The following YLPM1 variants were observed in gnomAD, a reference collection of about 807,000 sequenced individuals.
YLPM1 encodes the protein YLP motif-containing protein 1.
A neutral mutation model predicts 230.0 loss-of-function variants in YLPM1; 99 were observed. That is an observed-to-expected ratio of 0.43 (90% CI 0.37 to 0.51). The LOEUF (loss-of-function observed/expected upper bound fraction) is 0.51, where lower values mean the gene tolerates loss of function less well. YLPM1 is among the 20% of genes least tolerant of loss of function. The pLI is 0.00. For synonymous variants in YLPM1, 984 were observed against 942.5 expected (o/e 1.04, Z -0.81); for missense variants, 2,592 against 2,707.7 (o/e 0.96, Z 0.95).
intron 1 of YLPM1, among the ~76,000 whole-genome samples, chr14:74,778,075 C>T (rs1223428313): frequency 6.6e-6 from 1 of 151,932 alleles, no homozygotes; most frequent in Non-Finnish European, 1.5e-5. Flanking sequence ...ATTACAAGAC[C>T]CCTGTCAATA....
At chr14:74,824,862 G>C (rs905803877) in intron 18 of YLPM1, among the ~76,000 whole-genome samples, 1 of 152,052 alleles carries the variant, frequency 6.6e-6, no homozygotes, top group African/African-American at 2.4e-5. Flanking sequence ...AGGTAAACCA[G>C]TTTAAATGAT....
rs763829135 is a variant in YLPM1, at chr14:74,827,950, ATGATTAAAATTTTTGTGAGT to A, written c.6164-1261_6164-1242del. ...CATGTTAAAATTTTGCCAAAATGAG[ATGATTAAAATTTTTGTGAGT>A]TTTATAAACTGTTGCAGTTCGCCTT... On this transcript the variant is annotated intron_variant, in intron 18 of 20. Transcript: ENST00000325680. 1.1e-3 allele frequency: 1,035 copies of A among 985,196 alleles called. 2 individuals carry two copies. Among genetic ancestry groups the A allele is most frequent in the Non-Finnish European group, 1.2e-3 (969 of 829,814 alleles). The allele number at this position is 985,196 out of a possible 1,614,324, so 61.0% of individuals were successfully genotyped here. A position where few individuals can be genotyped will look rare whatever the true frequency, so the allele number is the denominator to read the frequency against.
Position 74,824,282 on chromosome 14 carries a change from G to A in YLPM1, c.6138G>A (p.Glu2046=). The A allele has an allele frequency of 1.2e-6, 2 of 1,612,322 alleles. No individual in the cohort carries two copies. Among genetic ancestry groups the A allele is most frequent in the Non-Finnish European group, 1.7e-6 (2 of 1,178,832 alleles). ...ELGYIPKSKW[E]MDTSEAKLDK... The stretch of plus-strand genomic sequence containing the variant: ...GTTACATTCCGAAAAGCAAATGGGA[G>A]ATGGACACATCTGAGGCAAAGCTAG... Residue 2046 remains glutamate, a synonymous_variant, in exon 18 of 21, where the codon GAG becomes GAA. Transcript: ENST00000325680.
intron 3 of YLPM1, among the ~76,000 whole-genome samples, chr14:74,780,969 T>C (rs1207697509): frequency 1.3e-5 from 2 of 152,244 alleles, no homozygotes; most frequent in Admixed American, 6.5e-5. Context: ...TAAAGTGACT[T>C]AGATACTTGT....
chr14:74,778,469 G>T lies in YLPM1; in HGVS notation c.896G>T (p.Arg299Leu), dbSNP rs758462188. 6.2e-7 allele frequency: 1 copy of T among 1,604,964 alleles called. No homozygotes were observed. Among genetic ancestry groups the T allele is most frequent in the South Asian group, 1.1e-5 (1 of 89,044 alleles). ...TAGGAACAGCAGCAGTATTGGTATCGACAGCACTTGCTTAGTTTGCAACAG... is the reference window on the plus strand; with the variant it reads ...TAGGAACAGCAGCAGTATTGGTATCTACAGCACTTGCTTAGTTTGCAACAG... ...TPQEQQQYWY[R>L]QHLLSLQQRT... The change falls in exon 2 of 21, where the codon CGA becomes CTA. Residue 299 changes from arginine to leucine, a missense_variant. Around this residue, in one of 4 missense-constraint regions of YLPM1, gnomAD observed 1,862 missense variants for 1,819.8 expected, o/e 1.02. Coordinates refer to ENST00000325680, the MANE Select transcript of YLPM1 (RefSeq NM_019589.3).
Position 74,799,705 on chromosome 14 carries a change from G to C in YLPM1, c.4400+8G>C. The C allele has an allele frequency of 6.3e-7, 1 of 1,596,866 alleles. No individual in the cohort carries two copies. Among genetic ancestry groups the C allele is most frequent in the Non-Finnish European group, 8.5e-7 (1 of 1,170,128 alleles). On this transcript the variant is annotated splice_region_variant and intron_variant, in intron 5 of 20. Coordinates refer to ENST00000325680, the MANE Select transcript of YLPM1 (RefSeq NM_019589.3). The stretch of plus-strand genomic sequence containing the variant: ...AGAACTGAAAATGCTTCGGTAAGTT[G>C]ACTCCTTCAGATCCTTTCTTTTAAT...
chr14:74,770,770 C>A (rs1270539422), intron 1 of YLPM1, among the ~76,000 whole-genome samples: 1 of 152,114 alleles, frequency 6.6e-6, no homozygotes, highest in Admixed American at 6.5e-5. Flanking sequence ...ATTCTAAGGG[C>A]AGTTGGAAGC....
intron 4 of YLPM1, among the ~76,000 whole-genome samples, chr14:74,783,351 T>G (rs1350541640): frequency 6.6e-6 from 1 of 152,198 alleles, no homozygotes; most frequent in Non-Finnish European, 1.5e-5. Context: ...CCTCCCAAAG[T>G]GCTGGGATTA....
intron 4 of YLPM1, among the ~76,000 whole-genome samples, chr14:74,797,148 A>ATTTTTTTTT (rs71303895): frequency 1.8e-4 from 18 of 100,692 alleles, no homozygotes; most frequent in Non-Finnish European, 2.9e-4. Context: ...AAATTTTTGT[A>ATTTTTTTTT]TTTTTTTTTT....
intron 6 of YLPM1, among the ~76,000 whole-genome samples, chr14:74,808,334 A>G (rs879699893): frequency 6.6e-5 from 10 of 152,220 alleles, no homozygotes; most frequent in South Asian, 4.2e-4. Context: ...ATTTCTTTTT[A>G]TTTATAACCT....
intron 16 of YLPM1, among the ~76,000 whole-genome samples, chr14:74,819,269 TGTGC>T (rs2091502274): frequency 6.6e-6 from 1 of 151,214 alleles, no homozygotes; most frequent in Admixed American, 6.6e-5. Flanking sequence ...ATATTGTCAT[TGTGC>T]TTTTTTTTTT....
chr14:74,822,668 T>C (rs2091531316), intron 17 of YLPM1, among the ~76,000 whole-genome samples: 1 of 152,152 alleles, frequency 6.6e-6, no homozygotes, highest in Admixed American at 6.5e-5. Context: ...TGAAATCTTT[T>C]ACTATTGGAG....
rs372832284 is a variant in YLPM1, at chr14:74,822,775, A to C, written c.6112-1481A>C. 6.6e-5 allele frequency among the ~76,000 whole-genome samples: 10 copies of C among 152,304 alleles called. No individual in the cohort carries two copies. In the East Asian group the frequency reaches 9.6e-4, roughly 15 times the overall value. Reference sequence around the variant, plus strand: ...CTCAGATCATTTAAATGGAATTCTCAGTAAACCTTGCATTTTCCACTCTGC... The same window carrying C: ...CTCAGATCATTTAAATGGAATTCTCCGTAAACCTTGCATTTTCCACTCTGC... On this transcript the variant is annotated intron_variant, in intron 17 of 20. Coordinates refer to ENST00000325680, the MANE Select transcript of YLPM1 (RefSeq NM_019589.3).
Position 74,815,886 on chromosome 14 carries a change from TG to T in YLPM1, c.5503-315del, listed in dbSNP as rs574608384. Among the ~76,000 whole-genome samples the T allele has an allele frequency of 1.2e-4, 18 of 152,260 alleles. 1 individual carries two copies. The South Asian group carries it at 3.7e-3, about 32-fold the overall frequency. ...TCTCAGAGTATTTTCTGGTTCCTCC[TG>T]GTTTCTGGCTCCTCTTGATTTCTGG... is the stretch of plus-strand genomic sequence containing the variant. On this transcript the variant is annotated intron_variant, in intron 11 of 20. Coordinates refer to ENST00000325680, the MANE Select transcript of YLPM1 (RefSeq NM_019589.3).
chr14:74,816,779 C>A, intron 13 of YLPM1, 89 bp downstream of exon 13: 1 of 1,479,840 alleles, frequency 6.8e-7, no homozygotes, highest in Non-Finnish European at 9.0e-7. Context: ...TTTTTGAGGG[C>A]AGGGACCTCT....
chr14:74,779,045 T>C (rs1009610188), intron 2 of YLPM1, among the ~76,000 whole-genome samples: 27 of 152,196 alleles, frequency 1.8e-4, no homozygotes, highest in Admixed American at 1.6e-3. Context: ...TTTCACCATG[T>C]TGGCCAGGCT....
intron 17 of YLPM1, 118 bp downstream of exon 17, chr14:74,821,255 T>C (rs1233631756): frequency 3.0e-6 from 4 of 1,348,366 alleles, no homozygotes; most frequent in Non-Finnish European, 3.9e-6. Flanking sequence ...TGGTAAAAGT[T>C]TCCATAATCA....
intron 1 of YLPM1, among the ~76,000 whole-genome samples, chr14:74,766,420 A>G (rs2090911663): frequency 1.3e-5 from 2 of 152,166 alleles, no homozygotes; most frequent in Non-Finnish European, 2.9e-5. Context: ...CATACCCATC[A>G]TTGAGATTCA....
chr14:74,807,436 C>T (rs1054169893), intron 6 of YLPM1, among the ~76,000 whole-genome samples: 5 of 152,130 alleles, frequency 3.3e-5, no homozygotes, highest in African/African-American at 1.2e-4. Context: ...AATCCCAGCA[C>T]TTTGGGAGGC....
Sources: gnomAD v4.1 joint callset for allele counts (sites outside exome capture counted in the v4.1 genomes callset) on GRCh38, gnomAD v4.1.1 for gene constraint, gnomAD v4.1.1 regional missense constraint, MANE v1.5 for transcripts, NCBI Gene and HGNC (gene_info 2026-07-23, HGNC 2026-07-21) for gene names.